Variants in PKNOX2 observed in about 807,000 individuals in gnomAD.
PKNOX2 encodes the protein PBX/knotted 1 homeobox 2, also known as homeobox protein PKNOX2.
PKNOX2 carries 14 observed loss-of-function variants against 53.1 expected under a neutral mutation model. The observed-to-expected ratio is 0.26, with a 90% CI of 0.17 to 0.41. PKNOX2 has a LOEUF of 0.41. Ranked by LOEUF, PKNOX2 falls within the 10% of genes least tolerant of loss-of-function variation. The pLI is 1.00. For synonymous variants in PKNOX2, 257 were observed against 242.8 expected (o/e 1.06, Z -0.54); for missense variants, 496 against 602.8 (o/e 0.82, Z 1.85).
chr11:125,393,378 T>C (rs1044879645), intron 6 of PKNOX2, among the ~76,000 whole-genome samples: 1 of 152,096 alleles, frequency 6.6e-6, no homozygotes, highest in Non-Finnish European at 1.5e-5. Flanking sequence ...TTTGATTGAA[T>C]ATAAGGAAAA....
chr11:125,409,608 C>G lies in PKNOX2; in HGVS notation c.589-588C>G, dbSNP rs542527066. Among the ~76,000 whole-genome samples, 8 of 152,218 alleles carry G rather than the reference C, an allele frequency of 5.3e-5. No homozygotes were observed. In the Middle Eastern group the frequency reaches 0.01, roughly 194 times the overall value. ...ACAAAGGTGAGAGCTGGAGGCTGCT[C>G]TGTGTGTGCAGCCTAGTGTGACAGG... On this transcript the variant is annotated intron_variant, in intron 7 of 12. Coordinates refer to ENST00000298282, the MANE Select transcript of PKNOX2 (RefSeq NM_001382323.2).
At chr11:125,347,966 T>A (rs1951074887) in intron 3 of PKNOX2, among the ~76,000 whole-genome samples, 1 of 152,160 alleles carries the variant, frequency 6.6e-6, no homozygotes, top group African/African-American at 2.4e-5. Flanking sequence ...CACTGGGGCC[T>A]CTGGACAGGG....
chr11:125,384,465 CA>C (rs1953482058), intron 5 of PKNOX2, among the ~76,000 whole-genome samples: 1 of 152,160 alleles, frequency 6.6e-6, no homozygotes, highest in South Asian at 2.1e-4. Context: ...ACGGGCGGAT[CA>C]CGAGGTCAGG....
chr11:125,368,883 G>C (rs1387521880), intron 5 of PKNOX2, among the ~76,000 whole-genome samples: 1 of 152,214 alleles, frequency 6.6e-6, no homozygotes, highest in Non-Finnish European at 1.5e-5. Context: ...TCTGCACTCA[G>C]TATTGAGGCT....
At chr11:125,267,972 A>T (rs138962228) in intron 2 of PKNOX2, among the ~76,000 whole-genome samples, 2 of 152,234 alleles carry the variant, frequency 1.3e-5, no homozygotes, top group African/African-American at 4.8e-5. Context: ...GAAGGGGGAA[A>T]ATGCCACAGT....
chr11:125,289,169 G>A (rs770474028), intron 2 of PKNOX2, among the ~76,000 whole-genome samples: 3 of 152,178 alleles, frequency 2.0e-5, no homozygotes, highest in Admixed American at 6.5e-5. Context: ...ATAGCAGACC[G>A]GGGCCCTGCT....
At chr11:125,381,671 A>G (rs1397967186) in intron 5 of PKNOX2, among the ~76,000 whole-genome samples, 5 of 152,022 alleles carry the variant, frequency 3.3e-5, no homozygotes, top group African/African-American at 1.2e-4. Context: ...CTGCAAGCCC[A>G]GCTCTGTCAC....
At position 125,166,577 on chromosome 11, in the gene PKNOX2, C is replaced by G. The variant is rs540709768; in HGVS notation, c.-201+1801C>G. On this transcript the variant is annotated intron_variant, in intron 1 of 12. Transcript: ENST00000298282. The surrounding 1 kb of genome is among the most constrained non-coding windows in gnomAD (Gnocchi z 4.0). ...GGTCTGCGGGCGCAGCGCGGCGGGG[C>G]GGGAGCGGTGGCCCGCAGGGGCCGC... Among the ~76,000 whole-genome samples, 1 of 152,172 alleles carries G rather than the reference C, an allele frequency of 6.6e-6. No homozygotes were observed. The highest frequency in any genetic ancestry group is 1.5e-5 in the Non-Finnish European group (1 of 67,988).
intron 2 of PKNOX2, among the ~76,000 whole-genome samples, chr11:125,260,754 G>A (rs999457870): frequency 1.1e-4 from 16 of 152,068 alleles, no homozygotes; most frequent in Admixed American, 2.6e-4. Flanking sequence ...GCACACACAC[G>A]GCTGAGGACG....
intron 1 of PKNOX2, among the ~76,000 whole-genome samples, chr11:125,206,299 T>C (rs1273427947): frequency 6.6e-6 from 1 of 152,088 alleles, no homozygotes; most frequent in East Asian, 1.9e-4. Context: ...GAACCAGCCC[T>C]GGTGCCGTCT....
intron 2 of PKNOX2, among the ~76,000 whole-genome samples, chr11:125,239,449 C>G (rs150419994): frequency 9.4e-4 from 143 of 152,244 alleles, no homozygotes; most frequent in African/African-American, 3.3e-3. Flanking sequence ...AGGGTTTGTC[C>G]TCATTTTTTA....
chr11:125,389,632 T>C (rs1056681993), intron 6 of PKNOX2, among the ~76,000 whole-genome samples: 1 of 152,192 alleles, frequency 6.6e-6, no homozygotes, highest in Non-Finnish European at 1.5e-5. Flanking sequence ...TTGGTAAAGT[T>C]TGTAAAATTT....
At chr11:125,343,806 T>C (rs1280224302) in intron 3 of PKNOX2, among the ~76,000 whole-genome samples, 1 of 151,754 alleles carries the variant, frequency 6.6e-6, no homozygotes, top group Non-Finnish European at 1.5e-5. Flanking sequence ...GCAGGGCGGG[T>C]GTTGCTCGTC....
intron 1 of PKNOX2, among the ~76,000 whole-genome samples, chr11:125,229,317 ACATGTGC>A (rs1565474369): frequency 6.6e-6 from 1 of 152,154 alleles, no homozygotes; most frequent in Non-Finnish European, 1.5e-5. Flanking sequence ...AAACAGGAGG[ACATGTGC>A]CCAGTTAAAA....
intron 1 of PKNOX2, among the ~76,000 whole-genome samples, chr11:125,179,299 G>C (rs567944903): frequency 1.3e-5 from 2 of 152,206 alleles, no homozygotes; most frequent in South Asian, 2.1e-4. Flanking sequence ...AAAATCACAC[G>C]AATAAATGTG....
At chr11:125,254,492 G>A (rs893623893) in intron 2 of PKNOX2, among the ~76,000 whole-genome samples, 2 of 152,240 alleles carry the variant, frequency 1.3e-5, no homozygotes, top group African/African-American at 2.4e-5. Context: ...ATCACTAAAT[G>A]GCTGTGTGAC....
chr11:125,416,937 G>A (rs77018417), intron 10 of PKNOX2, among the ~76,000 whole-genome samples: 3,327 of 152,108 alleles, frequency 0.022, 89 homozygotes, highest in African/African-American at 0.036. Context: ...ATGATAGAAG[G>A]CTCCTGAGAT....
At chr11:125,279,744 C>T (rs904379274) in intron 2 of PKNOX2, among the ~76,000 whole-genome samples, 19 of 152,234 alleles carry the variant, frequency 1.2e-4, no homozygotes, top group Admixed American at 1.3e-4. Context: ...TGCCAGTGAA[C>T]GTGGCCCCAA....
At chr11:125,228,039 G>A (rs1364538427) in intron 1 of PKNOX2, among the ~76,000 whole-genome samples, 1 of 146,114 alleles carries the variant, frequency 6.8e-6, no homozygotes, top group African/African-American at 2.4e-5. Context: ...CCGTGTATCA[G>A]TGGCATGGCA....
Sources: gnomAD v4.1 joint callset for allele counts (sites outside exome capture counted in the v4.1 genomes callset) on GRCh38, gnomAD v4.1.1 for gene constraint, Gnocchi (gnomAD v3.1) non-coding constraint, MANE v1.5 for transcripts, NCBI Gene and HGNC (gene_info 2026-07-23, HGNC 2026-07-21) for gene names.